The following STXBP5 variants were observed in gnomAD, a reference collection of about 807,000 sequenced individuals.
STXBP5 encodes the protein syntaxin binding protein 5.
A neutral mutation model predicts 152.4 loss-of-function variants in STXBP5; 50 were observed. The ratio of observed to expected loss-of-function variants is 0.33; its 90% CI spans 0.26 to 0.42. The LOEUF (loss-of-function observed/expected upper bound fraction) is 0.42. Among genes scored for constraint, STXBP5 ranks in the 10% least tolerant of loss-of-function variants. The probability of loss-of-function intolerance (pLI) is 1.00; values close to 1 mark genes in which losing one functional copy is unlikely to be tolerated. For synonymous variants in STXBP5, 492 were observed against 494.7 expected, an observed-to-expected ratio of 0.99 and a Z score of 0.07; for missense variants, 1,167 against 1,388.6, an observed-to-expected ratio of 0.84 and a Z score of 2.54.
intron 2 of STXBP5, among the ~76,000 whole-genome samples, chr6:147,215,800 T>A (rs1005538394): frequency 2.0e-5 from 3 of 152,196 alleles, no homozygotes; most frequent in African/African-American, 7.2e-5. Flanking sequence ...TTATGATTAG[T>A]ATAATAATAA....
At chr6:147,311,241 C>T (rs890818018) in intron 10 of STXBP5, among the ~76,000 whole-genome samples, 2 of 152,126 alleles carry the variant, frequency 1.3e-5, no homozygotes, top group African/African-American at 4.8e-5. Context: ...CTGTCTTACT[C>T]ATTTTTACAA....
intron 16 of STXBP5, among the ~76,000 whole-genome samples, chr6:147,321,510 G>A (rs1311750735): frequency 6.6e-6 from 1 of 152,212 alleles, no homozygotes; most frequent in East Asian, 1.9e-4. Flanking sequence ...GGAGTTCAAG[G>A]TCACAGTGAG....
intron 4 of STXBP5, among the ~76,000 whole-genome samples, chr6:147,244,159 G>A (rs2115237392): frequency 6.6e-6 from 1 of 152,290 alleles, no homozygotes; most frequent in East Asian, 1.9e-4. Context: ...ATTATTTAAT[G>A]TGCATAGGAT....
At chr6:147,384,114 A>G (rs559888587) in intron 27 of STXBP5, among the ~76,000 whole-genome samples, 2 of 152,278 alleles carry the variant, frequency 1.3e-5, no homozygotes, top group Admixed American at 6.5e-5. Context: ...TTCTTGAGCC[A>G]TATTTCAGAG....
At chr6:147,381,409 T>C (rs942542345) in intron 26 of STXBP5, among the ~76,000 whole-genome samples, 5 of 152,116 alleles carry the variant, frequency 3.3e-5, no homozygotes, top group Non-Finnish European at 5.9e-5. Flanking sequence ...TGTGGAGATA[T>C]TGGAACCCTC....
intron 18 of STXBP5, among the ~76,000 whole-genome samples, chr6:147,331,008 G>C (rs1185668163): frequency 2.0e-5 from 3 of 152,154 alleles, no homozygotes; most frequent in African/African-American, 7.2e-5. Context: ...TTATTACTTG[G>C]ATCTTTACAG....
chr6:147,344,250 A>G (rs1784217674), intron 21 of STXBP5, among the ~76,000 whole-genome samples: 1 of 152,130 alleles, frequency 6.6e-6, no homozygotes, highest in Non-Finnish European at 1.5e-5. Context: ...TTATCCCTCT[A>G]TTGAACTGTC....
At chr6:147,331,760 A>G (rs1407429982) in intron 18 of STXBP5, among the ~76,000 whole-genome samples, 1 of 151,846 alleles carries the variant, frequency 6.6e-6, no homozygotes, top group Non-Finnish European at 1.5e-5. Context: ...AGGGCATTAT[A>G]AAAAGCAGAT....
chr6:147,366,196 C>A (rs1029307787), intron 25 of STXBP5, among the ~76,000 whole-genome samples: 1 of 152,144 alleles, frequency 6.6e-6, no homozygotes, highest in Non-Finnish European at 1.5e-5. Context: ...TGTGCAGAGT[C>A]CCCCTGAGTA....
At chr6:147,300,996 A>G (rs1781784044) in intron 9 of STXBP5, among the ~76,000 whole-genome samples, 1 of 152,134 alleles carries the variant, frequency 6.6e-6, no homozygotes, top group Non-Finnish European at 1.5e-5. Flanking sequence ...GAAAACCTTT[A>G]ACAGACATTC....
chr6:147,274,749 A>C lies in STXBP5; in HGVS notation c.715-3332A>C, dbSNP rs1023525688. 2.0e-5 allele frequency among the ~76,000 whole-genome samples: 3 copies of C among 152,118 alleles called. 1 individual carries two copies. Among genetic ancestry groups the C allele is most frequent in the African/African-American group, 7.2e-5 (3 of 41,544 alleles). The stretch of plus-strand genomic sequence containing the variant: ...ACATTTTCTTTTGTCATTTTTTGGC[A>C]TTTTTCTGAGGGCTTTGACAATAAT... On this transcript the variant is annotated intron_variant, in intron 7 of 27. Transcript: ENST00000321680.
intron 4 of STXBP5, among the ~76,000 whole-genome samples, chr6:147,240,466 T>C (rs1778487672): frequency 6.6e-6 from 1 of 152,128 alleles, no homozygotes; most frequent in Admixed American, 6.6e-5. Flanking sequence ...TTTGAGGAAA[T>C]TTTTAAAATT....
chr6:147,370,710 A>G (rs1282846769), intron 25 of STXBP5, among the ~76,000 whole-genome samples: 1 of 152,098 alleles, frequency 6.6e-6, no homozygotes, highest in African/African-American at 2.4e-5. Flanking sequence ...TCAGGATTAT[A>G]ATTTATAAAC....
At chr6:147,260,493 A>C (rs1199927432) in intron 4 of STXBP5, 122 bp from the exon 5 acceptor site, 3 of 1,081,388 alleles carry the variant, frequency 2.8e-6, no homozygotes, top group Non-Finnish European at 4.1e-6. Flanking sequence ...GAATAGATAA[A>C]TCTGATGATT....
At chr6:147,355,018 C>T (rs1391510695) in intron 22 of STXBP5, among the ~76,000 whole-genome samples, 1 of 152,154 alleles carries the variant, frequency 6.6e-6, no homozygotes, top group Non-Finnish European at 1.5e-5. Flanking sequence ...GGCCAATGAG[C>T]TGTTGTGCAG....
At chr6:147,240,945 TAGTA>T (rs1003858635) in intron 4 of STXBP5, among the ~76,000 whole-genome samples, 6 of 152,136 alleles carry the variant, frequency 3.9e-5, no homozygotes, top group Admixed American at 6.5e-5. Flanking sequence ...AGTAGGTACT[TAGTA>T]AGTATTTGAT....
chr6:147,256,156 A>G (rs73584509), intron 4 of STXBP5, among the ~76,000 whole-genome samples: 2,937 of 152,274 alleles, frequency 0.019, 71 homozygotes, highest in African/African-American at 0.064. Flanking sequence ...CTCTCACCAC[A>G]TGAAGCTCAT....
At chr6:147,228,939 A>G (rs1024797170) in intron 2 of STXBP5, among the ~76,000 whole-genome samples, 2 of 152,106 alleles carry the variant, frequency 1.3e-5, no homozygotes, top group African/African-American at 4.8e-5. Context: ...AGACCATACT[A>G]TTCTTTACAT....
At chr6:147,305,840 G>C (rs1782062987) in intron 9 of STXBP5, among the ~76,000 whole-genome samples, 2 of 152,018 alleles carry the variant, frequency 1.3e-5, no homozygotes, top group South Asian at 4.2e-4. Flanking sequence ...GTATAATTCT[G>C]CTTACCAAAC....
Sources: gnomAD v4.1 joint callset for allele counts (sites outside exome capture counted in the v4.1 genomes callset) on GRCh38, gnomAD v4.1.1 for gene constraint, MANE v1.5 for transcripts, NCBI Gene and HGNC (gene_info 2026-07-23, HGNC 2026-07-21) for gene names.